Variants in CLASP1 observed in about 807,000 individuals in gnomAD.
CLASP1 encodes CLIP-associating protein 1.
In CLASP1, 38 loss-of-function variants were observed where a neutral mutation model predicts 192.3. The ratio of observed to expected loss-of-function variants is 0.20; its 90% confidence interval spans 0.15 to 0.26. The LOEUF is 0.26. CLASP1 is among the 10% of genes least tolerant of loss of function. The pLI, the probability that CLASP1 is intolerant of heterozygous loss-of-function variation, is 1.00. For synonymous variants in CLASP1, 691 were observed against 712.8 expected (o/e 0.97, Z 0.49); for missense variants, 1,433 against 1,932.5 (o/e 0.74, Z 4.85).
Position 121,404,356 on chromosome 2 carries a change from T to C in CLASP1, c.2733+15A>G. On this transcript the variant is annotated intron_variant, in intron 26 of 39. Coordinates refer to ENST00000263710, the Ensembl canonical transcript of CLASP1. ...TGCAGGGGTAAAGACAGGGCAGGCA[T>C]GACTTCAGACTTACCTTGCTATGAG... The C allele has an allele frequency of 6.2e-7, 1 of 1,610,520 alleles. No homozygotes were observed. The highest frequency in any genetic ancestry group is 1.3e-5 in the African/African-American group (1 of 75,028).
chr2:121,360,665 T>G (rs2066218077), intron 37 of CLASP1, among the ~76,000 whole-genome samples: 1 of 151,490 alleles, frequency 6.6e-6, no homozygotes, highest in Non-Finnish European at 1.5e-5. Flanking sequence ...CACAGGTTCT[T>G]GAGTTATTAT....
At chr2:121,341,238 T>C (rs1052127796) in intron 39 of CLASP1, among the ~76,000 whole-genome samples, 2 of 152,018 alleles carry the variant, frequency 1.3e-5, no homozygotes, top group African/African-American at 2.4e-5. Context: ...CAGCAGCTCA[T>C]GGAGGAAGGG....
chr2:121,461,047 G>T, intron 11 of CLASP1, 54 bp downstream of exon 11: 2 of 1,042,538 alleles, frequency 1.9e-6, no homozygotes, highest in Non-Finnish European at 2.9e-6. Flanking sequence ...TAAAGTATTT[G>T]AGATATTTAA....
chr2:121,404,334 A>AGG (rs1202770770), intron 26 of CLASP1, 37 bp downstream of exon 27: 1 of 1,604,340 alleles, frequency 6.2e-7, no homozygotes, highest in African/African-American at 1.3e-5. Flanking sequence ...ACAGACATGC[A>AGG]GGGGTAAAGA....
intron 19 of CLASP1, chr2:121,444,990 G>A (rs1193569796): frequency 7.6e-7 from 1 of 1,321,708 alleles, no homozygotes; most frequent in African/African-American, 1.5e-5. Context: ...AACAAGGGAA[G>A]GGATAACAGG....
chr2:121,431,417 T>G (rs1243414755), intron 19 of CLASP1, among the ~76,000 whole-genome samples: 1 of 152,092 alleles, frequency 6.6e-6, no homozygotes, highest in Non-Finnish European at 1.5e-5. Flanking sequence ...ACAGGGAAAT[T>G]AATTAATTTG....
intron 21 of CLASP1, among the ~76,000 whole-genome samples, chr2:121,426,084 G>A (rs951635546): frequency 2.0e-5 from 3 of 152,132 alleles, no homozygotes; most frequent in Non-Finnish European, 2.9e-5. Flanking sequence ...GGTCAAGGCT[G>A]AAGTGAGCCA....
intron 9 of CLASP1, among the ~76,000 whole-genome samples, chr2:121,466,662 G>C (rs2089650307): frequency 1.3e-5 from 2 of 152,216 alleles, no homozygotes; most frequent in Non-Finnish European, 2.9e-5. Context: ...GAAAATAAGA[G>C]TTGTATATAA....
chr2:121,628,411 T>C (rs1232630856), intron 1 of CLASP1, among the ~76,000 whole-genome samples: 2 of 152,086 alleles, frequency 1.3e-5, no homozygotes, highest in Non-Finnish European at 2.9e-5. Flanking sequence ...CACGATGGCT[T>C]ACACCTGTAA....
intron 1 of CLASP1, among the ~76,000 whole-genome samples, chr2:121,620,999 C>T (rs1040257456): frequency 4.6e-5 from 7 of 152,060 alleles, no homozygotes; most frequent in East Asian, 1.9e-4. Flanking sequence ...GAGGCCGAGA[C>T]GGGCAGACTG....
At chr2:121,531,607 A>C (rs1464623816) in intron 2 of CLASP1, among the ~76,000 whole-genome samples, 3 of 142,560 alleles carry the variant, frequency 2.1e-5, no homozygotes. Context: ...AAAAAAAAAA[A>C]AATAGTAATC....
chr2:121,497,920 C>T (rs1030741164), intron 8 of CLASP1, among the ~76,000 whole-genome samples: 13 of 152,138 alleles, frequency 8.5e-5, no homozygotes, highest in South Asian at 6.2e-4. Context: ...AGAGATGGGG[C>T]TTCACCATGT....
intron 34 of CLASP1, among the ~76,000 whole-genome samples, chr2:121,373,376 C>T (rs1471644424): frequency 6.6e-6 from 1 of 152,122 alleles, no homozygotes; most frequent in Non-Finnish European, 1.5e-5. Context: ...TTATAAATTA[C>T]CCAGTCTCAG....
At chr2:121,417,949 C>T (rs181593950) in intron 23 of CLASP1, among the ~76,000 whole-genome samples, 36 of 152,290 alleles carry the variant, frequency 2.4e-4, no homozygotes, top group South Asian at 2.1e-4. Context: ...ATGATTTCTA[C>T]GTTTATGCTT....
chr2:121,542,081 G>A (rs1449912027), intron 2 of CLASP1, among the ~76,000 whole-genome samples: 1 of 150,084 alleles, frequency 6.7e-6, no homozygotes, highest in African/African-American at 2.5e-5. Flanking sequence ...AATGTGCAAT[G>A]GACATCTTCC....
chr2:121,493,203 A>G (rs560096308), intron 8 of CLASP1, among the ~76,000 whole-genome samples: 1 of 152,352 alleles, frequency 6.6e-6, no homozygotes, highest in South Asian at 2.1e-4. Flanking sequence ...CTAAGCAAAA[A>G]GAACAAAACT....
chr2:121,469,949 C>A, exon 9 of CLASP1: 2 of 1,610,368 alleles, frequency 1.2e-6, no homozygotes, highest in South Asian at 2.2e-5. Flanking sequence ...TCTTCATCGT[C>A]GAAATTTTTA....
chr2:121,363,720 AAC>A (rs1385282840), intron 36 of CLASP1, among the ~76,000 whole-genome samples: 2 of 141,300 alleles, frequency 1.4e-5, no homozygotes, highest in Non-Finnish European at 1.6e-5. Context: ...ATGTTTCATC[AAC>A]ACAGCCTGTA....
chr2:121,402,675 A>C (rs760648440), intron 26 of CLASP1: 2 of 518,732 alleles, frequency 3.9e-6, no homozygotes, highest in Non-Finnish European at 7.7e-6. Context: ...TAGGGGTGAC[A>C]GGTAACAGAA....
Sources: allele counts gnomAD v4.1 joint callset (sites outside exome capture counted in the v4.1 genomes callset), GRCh38; gene constraint gnomAD v4.1.1; transcripts MANE v1.5; gene names NCBI Gene and HGNC (gene_info 2026-07-23, HGNC 2026-07-21).